The following ZPBP variants were observed in gnomAD, a reference collection of about 807,000 sequenced individuals.
ZPBP encodes zona pellucida-binding protein 1.
In ZPBP, 26 loss-of-function variants were observed where a neutral mutation model predicts 44.8. That is an observed-to-expected ratio of 0.58 (90% CI 0.43 to 0.81). The LOEUF is 0.81. Among genes scored for constraint, ZPBP ranks in the 30% least tolerant of loss-of-function variants. ZPBP has a pLI of 0.00. For synonymous variants in ZPBP, 174 were observed against 153.2 expected, an observed-to-expected ratio of 1.14 and a Z score of -1.00; for missense variants, 409 against 434.0, an observed-to-expected ratio of 0.94 and a Z score of 0.51.
chr7:49,953,262 G>A (rs62445839), intron 7 of ZPBP, among the ~76,000 whole-genome samples: 1,526 of 152,174 alleles, frequency 0.01, 15 homozygotes, highest in Non-Finnish European at 0.015. Context: ...AGAGAACCCC[G>A]GAGATTAGTA....
intron 7 of ZPBP, chr7:49,943,109 A>G: frequency 2.9e-6 from 1 of 348,892 alleles, no homozygotes; most frequent in African/African-American, 2.1e-5. Context: ...CTATCCACCC[A>G]CAGTCAGTAA....
At chr7:49,916,376 C>T (rs1793725800) in intron 1 of ZPBP, 3 of 152,162 alleles carry the variant, frequency 2.0e-5, no homozygotes, top group Non-Finnish European at 4.4e-5. Context: ...AGATCCTGCC[C>T]TGAGTGTCCT....
chr7:49,939,485 T>C (rs1794770485), intron 7 of ZPBP, among the ~76,000 whole-genome samples: 1 of 152,122 alleles, frequency 6.6e-6, no homozygotes, highest in African/African-American at 2.4e-5. Context: ...AATGTTAAAA[T>C]GTTATTTAAA....
chr7:49,949,194 T>C (rs1385212909), intron 7 of ZPBP, among the ~76,000 whole-genome samples: 1 of 152,160 alleles, frequency 6.6e-6, no homozygotes, highest in Non-Finnish European at 1.5e-5. Flanking sequence ...GAAACTGATC[T>C]TGGACTTCTA....
At chr7:49,881,816 T>A (rs1016175640) in intron 2 of ZPBP, among the ~76,000 whole-genome samples, 8 of 152,194 alleles carry the variant, frequency 5.3e-5, no homozygotes, top group African/African-American at 1.9e-4. Context: ...TTAAAATAAT[T>A]CATAACTTAT....
intron 7 of ZPBP, among the ~76,000 whole-genome samples, chr7:49,967,511 C>T (rs1489199592): frequency 6.6e-6 from 1 of 151,902 alleles, no homozygotes. Flanking sequence ...AGAGTTAATG[C>T]TGCAATGGGA....
chr7:49,893,501 T>C (rs1364595902), intron 2 of ZPBP, among the ~76,000 whole-genome samples: 1 of 152,226 alleles, frequency 6.6e-6, no homozygotes, highest in African/African-American at 2.4e-5. Context: ...TTTGAACTCT[T>C]AGTTAAAAAT....
intron 3 of ZPBP, among the ~76,000 whole-genome samples, chr7:50,075,850 C>T (rs1802050473): frequency 6.6e-6 from 1 of 151,868 alleles, no homozygotes; most frequent in South Asian, 2.1e-4. Flanking sequence ...ACCAATCCTA[C>T]TCAAACAATT....
chr7:49,910,028 G>C (rs1430105356), intron 1 of ZPBP, among the ~76,000 whole-genome samples: 2 of 151,940 alleles, frequency 1.3e-5, no homozygotes, highest in Non-Finnish European at 2.9e-5. Flanking sequence ...AGGGTCCCTT[G>C]AGCCCAGGAG....
At chr7:50,028,091 G>T (rs186648234) in intron 5 of ZPBP, among the ~76,000 whole-genome samples, 1 of 151,488 alleles carries the variant, frequency 6.6e-6, no homozygotes, top group East Asian at 1.9e-4. Flanking sequence ...ACCAATGCCA[G>T]AAAATTATAT....
At chr7:49,977,101 C>CTAAATAAA (rs376730870) in intron 7 of ZPBP, among the ~76,000 whole-genome samples, 9,585 of 138,480 alleles carry the variant, frequency 0.069, 551 homozygotes, top group Admixed American at 0.18. Context: ...GACTCCGTCT[C>CTAAATAAA]TAAATAAATA....
intron 2 of ZPBP, among the ~76,000 whole-genome samples, chr7:49,892,273 C>G (rs1306280074): frequency 1.3e-5 from 2 of 151,864 alleles, no homozygotes; most frequent in African/African-American, 4.8e-5. Flanking sequence ...GTCTCGATCT[C>G]CTGACCTCGT....
intron 2 of ZPBP, among the ~76,000 whole-genome samples, chr7:49,891,572 G>C (rs1315979294): frequency 2.0e-5 from 3 of 152,044 alleles, no homozygotes; most frequent in Non-Finnish European, 4.4e-5. Flanking sequence ...GCCACCATTC[G>C]ATACTATTGC....
At chr7:49,994,430 T>C (rs1797716894) in intron 6 of ZPBP, among the ~76,000 whole-genome samples, 1 of 152,184 alleles carries the variant, frequency 6.6e-6, no homozygotes, top group Admixed American at 6.6e-5. Flanking sequence ...ACTAATTTAC[T>C]TGTGCTTCAA....
At chr7:49,860,777 C>A (rs557905312) in intron 2 of ZPBP, among the ~76,000 whole-genome samples, 1 of 152,108 alleles carries the variant, frequency 6.6e-6, no homozygotes, top group African/African-American at 2.4e-5. Flanking sequence ...AGGGTGAGGC[C>A]TTAATCTAAT....
intron 3 of ZPBP, among the ~76,000 whole-genome samples, chr7:50,079,571 T>A (rs1802264263): frequency 6.6e-6 from 1 of 151,560 alleles, no homozygotes; most frequent in African/African-American, 2.4e-5. Flanking sequence ...TGGAGACATG[T>A]GGTTCTTGGT....
At chr7:49,969,977 G>A (rs903682830) in intron 7 of ZPBP, among the ~76,000 whole-genome samples, 2 of 151,468 alleles carry the variant, frequency 1.3e-5, no homozygotes, top group South Asian at 2.1e-4. Flanking sequence ...CTCATGTCTC[G>A]GCTTCCCTAG....
intron 6 of ZPBP, among the ~76,000 whole-genome samples, chr7:50,012,002 G>T (rs1798606120): frequency 6.7e-6 from 1 of 149,592 alleles, no homozygotes; most frequent in Non-Finnish European, 1.5e-5. Flanking sequence ...CTGCACTCCA[G>T]CCTAGGCGAC....
chr7:50,030,000 C>T (rs533149244), intron 5 of ZPBP, among the ~76,000 whole-genome samples: 1 of 152,190 alleles, frequency 6.6e-6, no homozygotes, highest in East Asian at 1.9e-4. Flanking sequence ...GGATTATAGG[C>T]CCATGCCACC....
Sources: gnomAD v4.1 joint callset for allele counts (sites outside exome capture counted in the v4.1 genomes callset) on GRCh38, gnomAD v4.1.1 for gene constraint, MANE v1.5 for transcripts, NCBI Gene and HGNC (gene_info 2026-07-23, HGNC 2026-07-21) for gene names.